Variants in RBL1 observed in about 807,000 individuals in gnomAD.
The protein encoded by RBL1 is retinoblastoma-like protein 1.
In RBL1, 82 loss-of-function variants were observed where a neutral mutation model predicts 123.0. The ratio of observed to expected loss-of-function variants is 0.67; its 90% CI spans 0.56 to 0.80. RBL1 has a LOEUF of 0.80. Ranked by LOEUF, RBL1 falls within the 30% of genes least tolerant of loss-of-function variation. The pLI is 0.00. For synonymous variants in RBL1, 405 were observed against 441.3 expected, an observed-to-expected ratio of 0.92 and a Z score of 1.03; for missense variants, 1,171 against 1,299.6, an observed-to-expected ratio of 0.90 and a Z score of 1.52.
At chr20:37,023,689 G>C (rs889116299) in intron 16 of RBL1, among the ~76,000 whole-genome samples, 2 of 151,734 alleles carry the variant, frequency 1.3e-5, no homozygotes, top group African/African-American at 4.8e-5. Context: ...TCAATTCCCT[G>C]GCCCTAGATC....
Position 37,049,795 on chromosome 20 carries a change from G to A in RBL1, c.1468-2605C>T, listed in dbSNP as rs2064876376. On this transcript the variant is annotated intron_variant, in intron 11 of 21. Transcript: ENST00000373664. The stretch of plus-strand genomic sequence containing the variant: ...GAGAGAAAAAAGGCCAGACATGGTG[G>A]CTCACACCTGTAATCCCGGCACTTT... The A allele has an allele frequency of 1.6e-5, 8 of 488,574 alleles. No homozygotes were observed. In the East Asian group the frequency reaches 2.6e-4, roughly 16 times the overall value. The allele number at this position is 488,574 out of a possible 1,614,324, so 30.3% of individuals were successfully genotyped here. A position where few individuals can be genotyped will look rare whatever the true frequency, so the allele number is the denominator to read the frequency against.
At chr20:37,022,585 C>T (rs771441079) in intron 17 of RBL1, 65 bp downstream of exon 17, 9 of 1,434,976 alleles carry the variant, frequency 6.3e-6, no homozygotes, top group East Asian at 2.3e-5. Flanking sequence ...CCTTGACCTC[C>T]GAAAGTGCTA....
At chr20:37,005,085 CG>C (rs1225188288) in intron 20 of RBL1, among the ~76,000 whole-genome samples, 2 of 151,832 alleles carry the variant, frequency 1.3e-5, no homozygotes, top group Non-Finnish European at 2.9e-5. Context: ...AGTTAAGCCA[CG>C]AGCATGAGAA....
chr20:37,067,368 G>A (rs2065195809), intron 3 of RBL1, 71 bp from the exon 4 acceptor site: 5 of 1,141,158 alleles, frequency 4.4e-6, no homozygotes, highest in African/African-American at 3.1e-5. Flanking sequence ...AATAGTAAAT[G>A]TAAATATCAA....
intron 20 of RBL1, among the ~76,000 whole-genome samples, chr20:37,004,157 G>A (rs979099491): frequency 4.7e-5 from 7 of 150,210 alleles, no homozygotes; most frequent in Non-Finnish European, 7.4e-5. Context: ...TGCAACCTCT[G>A]CCTCCCAGGT....
At chr20:37,006,138 A>G (rs2064068571) in intron 20 of RBL1, among the ~76,000 whole-genome samples, 1 of 151,206 alleles carries the variant, frequency 6.6e-6, no homozygotes, top group South Asian at 2.1e-4. Flanking sequence ...GGGCTCAAGC[A>G]ATCCTCCAGG....
chr20:37,005,890 C>CTTTTTTTTT (rs1568814331), intron 20 of RBL1, among the ~76,000 whole-genome samples: 3 of 102,266 alleles, frequency 2.9e-5, no homozygotes, highest in African/African-American at 1.3e-4. Flanking sequence ...TTTTTTTTTT[C>CTTTTTTTTT]TTTCTTTTTT....
chr20:37,073,705 G>GAAAAAAAAAAAAAAA (rs796752326), intron 2 of RBL1, among the ~76,000 whole-genome samples: 9 of 103,142 alleles, frequency 8.7e-5, no homozygotes, highest in African/African-American at 2.3e-4. Flanking sequence ...CTCAAAAAAA[G>GAAAAAAAAAAAAAAA]AAAAAAAAAA....
chr20:37,063,061 T>C (rs570758710), intron 7 of RBL1, among the ~76,000 whole-genome samples: 2 of 152,346 alleles, frequency 1.3e-5, no homozygotes, highest in African/African-American at 4.8e-5. Context: ...GGTCTGTTTA[T>C]GAGTTTCTCA....
chr20:37,007,265 A>G (rs576660570), intron 20 of RBL1, 146 bp downstream of exon 20: 2 of 834,998 alleles, frequency 2.4e-6, no homozygotes, highest in Admixed American at 5.7e-5. Context: ...CTGTTGTACC[A>G]TAGCCTTAAT....
intron 16 of RBL1, among the ~76,000 whole-genome samples, chr20:37,028,869 T>C (rs1456627250): frequency 1.3e-5 from 2 of 152,178 alleles, no homozygotes; most frequent in Non-Finnish European, 1.5e-5. Flanking sequence ...TAAAGGTACA[T>C]TACTTGATAG....
At chr20:37,055,448 G>A in intron 11 of RBL1, 105 bp downstream of exon 11, 1 of 1,555,210 alleles carries the variant, frequency 6.4e-7, no homozygotes, top group South Asian at 1.2e-5. Context: ...GGCCAAGTGT[G>A]TCATAGATTG....
chr20:37,094,267 G>C (rs914879597), intron 1 of RBL1, among the ~76,000 whole-genome samples: 1 of 152,112 alleles, frequency 6.6e-6, no homozygotes, highest in Non-Finnish European at 1.5e-5. Flanking sequence ...GCTTTCTCAG[G>C]CTTTCAAAAA....
Position 37,003,877 on chromosome 20 carries a change from C to T in RBL1, c.2872-11G>A. 1 of 1,576,420 alleles carries T rather than the reference C, an allele frequency of 6.3e-7. No individual in the cohort carries two copies. Among genetic ancestry groups the T allele is most frequent in the Non-Finnish European group, 8.6e-7 (1 of 1,164,268 alleles). On this transcript the variant is annotated splice_polypyrimidine_tract_variant and intron_variant, in intron 20 of 21. Transcript: ENST00000373664. ...TGGTGGAGCATCCATCTAAAATAAC[C>T]CAAAAGTCAGATTTTTTAGATAAAA...
At chr20:37,064,654 G>C (rs1388462421) in intron 7 of RBL1, among the ~76,000 whole-genome samples, 1 of 152,024 alleles carries the variant, frequency 6.6e-6, no homozygotes, top group Non-Finnish European at 1.5e-5. Flanking sequence ...CTGTCGCCTA[G>C]GCTGGAGTGC....
chr20:37,021,228 CA>C (rs1277250866), intron 17 of RBL1, among the ~76,000 whole-genome samples: 1 of 152,000 alleles, frequency 6.6e-6, no homozygotes, highest in Non-Finnish European at 1.5e-5. Flanking sequence ...CAGTGGTGGC[CA>C]AAAGGAAGAA....
At chr20:37,019,512 CAGA>C (rs1370160114) in intron 18 of RBL1, among the ~76,000 whole-genome samples, 1 of 152,130 alleles carries the variant, frequency 6.6e-6, no homozygotes, top group Non-Finnish European at 1.5e-5. Context: ...TGAAGAAGCC[CAGA>C]AACTCTTAGC....
intron 18 of RBL1, among the ~76,000 whole-genome samples, chr20:37,018,749 C>T (rs2064295179): frequency 6.6e-6 from 1 of 152,120 alleles, no homozygotes; most frequent in African/African-American, 2.4e-5. Context: ...GCCAGGCGTT[C>T]AAGACCAGCT....
rs775849884 is a variant in RBL1 at position 37,062,033 on chromosome 20, C to T, written c.1083+51G>A. The T allele has an allele frequency of 3.9e-5, 60 of 1,520,658 alleles. No homozygotes were observed. The Middle Eastern group carries it at 3.7e-3, about 93-fold the overall frequency. 94.2% of individuals were successfully genotyped at this position (1,520,658 alleles called of 1,614,324 possible). ...TGCTTCTGCTGTTAGTAGAATCACA[C>T]ACAGAGAGAAAAAGATCATTCAAGA... On this transcript the variant is annotated intron_variant, in intron 8 of 21. Coordinates refer to ENST00000373664, the MANE Select transcript of RBL1 (RefSeq NM_002895.5).
Sources: gnomAD v4.1 joint callset for allele counts (sites outside exome capture counted in the v4.1 genomes callset) on GRCh38, gnomAD v4.1.1 for gene constraint, MANE v1.5 for transcripts, NCBI Gene and HGNC (gene_info 2026-07-23, HGNC 2026-07-21) for gene names.